The following SUCLG2 variants were observed in gnomAD, a reference collection of about 807,000 sequenced individuals.
The protein encoded by SUCLG2 is succinate-CoA ligase GDP-forming subunit beta, also known as succinate--CoA ligase [GDP-forming] subunit beta, mitochondrial.
Under a neutral mutation model 47.9 loss-of-function variants are expected in SUCLG2, and 42 were observed. The ratio of observed to expected loss-of-function variants is 0.88; its 90% CI spans 0.69 to 1.14. The LOEUF is 1.14. Among genes scored for constraint, SUCLG2 ranks in the 50% most tolerant of loss-of-function variants. The pLI is 0.00. For missense variants in SUCLG2, 571 were observed against 525.9 expected (o/e 1.09, Z -0.84); for synonymous variants, 195 against 197.3 (o/e 0.99, Z 0.10).
At chr3:67,385,259 A>C (rs1207773709) in intron 10 of SUCLG2, among the ~76,000 whole-genome samples, 5 of 152,106 alleles carry the variant, frequency 3.3e-5, no homozygotes, top group Non-Finnish European at 7.4e-5. Context: ...AAATGGCCAC[A>C]CCCACAGCTG....
chr3:67,392,635 C>A (rs528220887), intron 10 of SUCLG2, among the ~76,000 whole-genome samples: 1 of 152,160 alleles, frequency 6.6e-6, no homozygotes, highest in African/African-American at 2.4e-5. Flanking sequence ...ACACTTTAGG[C>A]AGGGGCAGAG....
intron 9 of SUCLG2, among the ~76,000 whole-genome samples, chr3:67,455,250 G>T (rs979814860): frequency 2.0e-5 from 3 of 152,116 alleles, no homozygotes; most frequent in African/African-American, 7.2e-5. Context: ...TGAGCTTTGT[G>T]GATTAAGGCA....
rs1700713684 is a variant in SUCLG2, at chr3:67,620,446, GT to G, written c.85-10851del. ...CTAAAAATACAAAAATTAGCTGGGC[GT>G]GGTGGCACGCACCTTTAATCCCAGG... is the stretch of plus-strand genomic sequence containing the variant. On this transcript the variant is annotated intron_variant, in intron 1 of 10. Transcript: ENST00000307227. Among the ~76,000 whole-genome samples, 10 of 152,054 alleles carry G rather than the reference GT, an allele frequency of 6.6e-5. No homozygotes were observed. In the South Asian group the frequency reaches 1.5e-3, roughly 22 times the overall value.
chr3:67,513,831 A>T (rs1418384016), intron 6 of SUCLG2: 2 of 152,468 alleles, frequency 1.3e-5, no homozygotes, highest in Admixed American at 1.3e-4. Flanking sequence ...AAATATACGT[A>T]CATGAAAATC....
intron 2 of SUCLG2, among the ~76,000 whole-genome samples, chr3:67,601,294 C>G (rs1233009220): frequency 6.6e-6 from 1 of 152,118 alleles, no homozygotes; most frequent in East Asian, 1.9e-4. Context: ...CAGGCTTCCT[C>G]TAAGTAATGA....
At chr3:67,439,641 G>A (rs147459158) in intron 9 of SUCLG2, among the ~76,000 whole-genome samples, 2,613 of 152,176 alleles carry the variant, frequency 0.017, 73 homozygotes, top group African/African-American at 0.058. Flanking sequence ...TTGCTACTAA[G>A]GGAATAAAAT....
At chr3:67,539,648 T>C (rs1247005962) in intron 2 of SUCLG2, among the ~76,000 whole-genome samples, 1 of 152,216 alleles carries the variant, frequency 6.6e-6, no homozygotes, top group African/African-American at 2.4e-5. Flanking sequence ...CAGCTCCTCT[T>C]TGTACCTACG....
intron 4 of SUCLG2, among the ~76,000 whole-genome samples, chr3:67,526,836 C>T (rs182475532): frequency 6.6e-6 from 1 of 152,264 alleles, no homozygotes; most frequent in African/African-American, 2.4e-5. Flanking sequence ...CAACAATTAT[C>T]CCCCAAAATG....
intron 2 of SUCLG2, among the ~76,000 whole-genome samples, chr3:67,547,062 C>A (rs1280718007): frequency 6.6e-6 from 1 of 152,136 alleles, no homozygotes; most frequent in Non-Finnish European, 1.5e-5. Flanking sequence ...GTCTCTTGTA[C>A]CCCAAAATTC....
At chr3:67,439,677 T>C (rs1323742143) in intron 9 of SUCLG2, among the ~76,000 whole-genome samples, 1 of 152,106 alleles carries the variant, frequency 6.6e-6, no homozygotes, top group African/African-American at 2.4e-5. Flanking sequence ...TTAAAAGGGA[T>C]GTGAAGGACC....
chr3:67,456,163 G>A (rs1348393483), intron 9 of SUCLG2, among the ~76,000 whole-genome samples: 1 of 152,158 alleles, frequency 6.6e-6, no homozygotes. Context: ...GGGTAGTGAG[G>A]TGGGACTTCC....
chr3:67,616,604 A>G (rs1390512869), intron 1 of SUCLG2, among the ~76,000 whole-genome samples: 1 of 152,214 alleles, frequency 6.6e-6, no homozygotes, highest in African/African-American at 2.4e-5. Context: ...TGTGCCATAA[A>G]TATCAATCTA....
At chr3:67,642,388 T>C (rs1435648853) in intron 1 of SUCLG2, among the ~76,000 whole-genome samples, 4 of 152,068 alleles carry the variant, frequency 2.6e-5, no homozygotes, top group Non-Finnish European at 5.9e-5. Context: ...GAGGATCACT[T>C]GAGGCCACAA....
At chr3:67,508,055 GAT>G (rs1705686511) in intron 7 of SUCLG2, among the ~76,000 whole-genome samples, 3 of 152,190 alleles carry the variant, frequency 2.0e-5, no homozygotes, top group Admixed American at 2.0e-4. Flanking sequence ...GGTAGGTACT[GAT>G]ATATAAAAGT....
At chr3:67,642,604 G>A (rs965652401) in intron 1 of SUCLG2, among the ~76,000 whole-genome samples, 1 of 152,118 alleles carries the variant, frequency 6.6e-6, no homozygotes, top group Admixed American at 6.6e-5. Flanking sequence ...GACACAACAA[G>A]ACCCCATCTC....
chr3:67,555,920 C>G (rs758809523), intron 2 of SUCLG2, among the ~76,000 whole-genome samples: 22 of 152,158 alleles, frequency 1.4e-4, no homozygotes, highest in Non-Finnish European at 2.9e-4. Context: ...CTGGCATGTA[C>G]CAATGTGAAC....
intron 9 of SUCLG2, among the ~76,000 whole-genome samples, chr3:67,487,780 T>C (rs1705096094): frequency 6.6e-6 from 1 of 152,168 alleles, no homozygotes; most frequent in Non-Finnish European, 1.5e-5. Context: ...AATTCAGCAA[T>C]GCATGTGAAA....
At chr3:67,608,594 A>G (rs1195170835) in intron 2 of SUCLG2, among the ~76,000 whole-genome samples, 1 of 152,042 alleles carries the variant, frequency 6.6e-6, no homozygotes, top group African/African-American at 2.4e-5. Flanking sequence ...AAAACACCCT[A>G]ATGCTCATAC....
intron 10 of SUCLG2, among the ~76,000 whole-genome samples, chr3:67,393,484 G>T (rs1161373856): frequency 7.9e-5 from 12 of 152,188 alleles, no homozygotes; most frequent in South Asian, 2.1e-4. Context: ...TGCCTGCCAT[G>T]GCCCAGGCTT....
Sources: gnomAD v4.1 joint callset for allele counts (sites outside exome capture counted in the v4.1 genomes callset) on GRCh38, gnomAD v4.1.1 for gene constraint, MANE v1.5 for transcripts, NCBI Gene and HGNC (gene_info 2026-07-23, HGNC 2026-07-21) for gene names.